Variants in CANX observed in about 807,000 individuals in gnomAD.
CANX encodes calnexin.
A neutral mutation model predicts 75.7 loss-of-function variants in CANX; 14 were observed. That is an observed-to-expected ratio of 0.19 (90% confidence interval 0.12 to 0.29). The LOEUF (loss-of-function observed/expected upper bound fraction) is 0.29. CANX is among the 10% of genes least tolerant of loss of function. The probability of loss-of-function intolerance (pLI) is 1.00; values close to 1 mark genes in which losing one functional copy is unlikely to be tolerated. For missense variants in CANX, 567 were observed against 713.2 expected, an observed-to-expected ratio of 0.79 and a Z score of 2.34; for synonymous variants, 227 against 236.9, an observed-to-expected ratio of 0.96 and a Z score of 0.38.
rs746402797 is a variant in CANX, at chr5:179,709,038, T to G, written c.507T>G (p.Ser169=). The G allele has an allele frequency of 4.4e-6, 7 of 1,597,434 alleles. No individual in the cohort carries two copies. Among genetic ancestry groups the G allele is most frequent in the Non-Finnish European group, 6.0e-6 (7 of 1,164,702 alleles). ...ECGGAYVKLL[S]KTPELNLDQF... ...GTGGTGCCTATGTGAAACTGCTTTC[T>G]AAAACACCAGAACTCAACCTGGTAT... Residue 169 remains serine, a synonymous_variant, in exon 6 of 15, where the codon TCT becomes TCG. Transcript: ENST00000247461.
chr5:179,706,019 A>G (rs1777113047), intron 2 of CANX, among the ~76,000 whole-genome samples, 167 bp downstream of exon 2: 1 of 152,188 alleles, frequency 6.6e-6, no homozygotes, highest in Non-Finnish European at 1.5e-5. Context: ...AAAATATAAA[A>G]GAAAAACATG....
intron 1 of CANX, among the ~76,000 whole-genome samples, chr5:179,703,823 A>G (rs144864258): frequency 6.6e-6 from 1 of 152,214 alleles, no homozygotes; most frequent in East Asian, 1.9e-4. Flanking sequence ...TGGACTCATG[A>G]TAGTTTTTGG....
chr5:179,723,566 A>T, intron 11 of CANX, 94 bp from the exon 12 acceptor site: 1 of 1,280,230 alleles, frequency 7.8e-7, no homozygotes, highest in Non-Finnish European at 1.1e-6. Flanking sequence ...GGTCCTGCGT[A>T]GTGCCATGCC....
At chr5:179,713,365 C>T (rs139012964) in intron 7 of CANX, among the ~76,000 whole-genome samples, 2,032 of 152,274 alleles carry the variant, frequency 0.013, 37 homozygotes, top group African/African-American at 0.043. Context: ...AGCCACTGAG[C>T]CCAGCTTAAC....
At chr5:179,689,687 G>A (rs1005303241) in intron 1 of CANX, among the ~76,000 whole-genome samples, 7 of 152,078 alleles carry the variant, frequency 4.6e-5, no homozygotes, top group Admixed American at 3.9e-4. Context: ...ACCACACCCG[G>A]CCTCTTTTTT....
intron 1 of CANX, among the ~76,000 whole-genome samples, chr5:179,687,790 T>C (rs1472340539): frequency 1.3e-5 from 2 of 151,940 alleles, no homozygotes; most frequent in African/African-American, 2.4e-5. Flanking sequence ...TCTCAGCAAT[T>C]TGGGAGACTG....
At chr5:179,709,156 C>G in intron 6 of CANX, 97 bp downstream of exon 6, 1 of 736,722 alleles carries the variant, frequency 1.4e-6, no homozygotes. Context: ...CGCCTGTAAT[C>G]CTAGCTCCCA....
At chr5:179,705,944 C>G in intron 2 of CANX, 92 bp downstream of exon 2, 1 of 999,520 alleles carries the variant, frequency 1.0e-6, no homozygotes, top group Non-Finnish European at 1.5e-6. Flanking sequence ...GTCTCAACTA[C>G]TCAGGAGGCC....
chr5:179,694,442 G>A, upstream of CANX: 1 of 680,044 alleles, frequency 1.5e-6, no homozygotes, highest in Non-Finnish European at 2.7e-6. Context: ...GCAAGAAGAA[G>A]AAGGATCCTA....
Position 179,719,691 on chromosome 5 carries a change from T to C in CANX, c.935T>C (p.Ile312Thr), listed in dbSNP as rs1778183134. 2 of 1,611,664 alleles carry C rather than the reference T, an allele frequency of 1.2e-6. No homozygotes were observed. The highest frequency in any genetic ancestry group is 8.5e-7 in the Non-Finnish European group (1 of 1,178,326). Residue 312 changes from isoleucine (I) to threonine (T), a missense_variant, in exon 9 of 15, where the codon ATT (isoleucine) becomes ACT (threonine). By Grantham distance (89) the Ile-to-Thr change is moderately conservative. Transcript: ENST00000247461. ...AGGGATGAAGATGCCCCTGCTAAGA[T>C]TCCAGATGAAGAGGCCACAAAACCC... Reference protein sequence around the residue: ...DDWDEDAPAKIPDEEATKPEG... With the variant: ...DDWDEDAPAKTPDEEATKPEG...
intron 1 of CANX, among the ~76,000 whole-genome samples, chr5:179,681,614 G>C (rs1776066971): frequency 1.3e-5 from 2 of 152,150 alleles, no homozygotes; most frequent in South Asian, 4.1e-4. Flanking sequence ...CTACATGTCA[G>C]TTATTGGCCA....
chr5:179,694,900 G>A, upstream of CANX: 1 of 312,154 alleles, frequency 3.2e-6, no homozygotes. Context: ...TTTGAGGGAA[G>A]GATGGAGAGA....
At chr5:179,696,821 T>C (rs148873147), upstream of CANX, among the ~76,000 whole-genome samples, 2 of 152,324 alleles carry the variant, frequency 1.3e-5, no homozygotes, top group East Asian at 3.9e-4. Flanking sequence ...GCACTTCCTT[T>C]TATTGGTTTT....
At position 179,709,856 on chromosome 5, in the gene CANX, C is replaced by T; in HGVS notation, c.529-17C>T. On this transcript the variant is annotated splice_polypyrimidine_tract_variant and intron_variant, in intron 6 of 14. Coordinates refer to ENST00000247461, the MANE Select transcript of CANX (RefSeq NM_001746.4). The stretch of plus-strand genomic sequence containing the variant: ...TTGAGTACAGTGACTTCAAATAATC[C>T]TTTTTTGTTTTTGAAGGATCAGTTC... 2.6e-6 allele frequency: 4 copies of T among 1,527,496 alleles called. No individual in the cohort carries two copies. In the South Asian group the frequency reaches 3.7e-5, roughly 14 times the overall value. The allele number at this position is 1,527,496 out of a possible 1,614,324, so 94.6% of individuals were successfully genotyped here.
Position 179,710,707 on chromosome 5 carries a change from C to CAAAAAA in CANX, c.721+653_721+658dup, listed in dbSNP as rs71591440. Among the ~76,000 whole-genome samples the CAAAAAA allele has an allele frequency of 8.4e-4, 23 of 27,376 alleles. 4 individuals are homozygous for CAAAAAA. Among genetic ancestry groups the CAAAAAA allele is most frequent in the Middle Eastern group, 0.025 (1 of 40 alleles). 18.0% of individuals were successfully genotyped at this position (27,376 alleles called of 152,430 possible). On this transcript the variant is annotated intron_variant, in intron 7 of 14. Coordinates refer to ENST00000247461, the MANE Select transcript of CANX (RefSeq NM_001746.4). ...TAGGAGACAGAGCAAGACTCCATCT[C>CAAAAAA]AAAAAAAAAAAAAAAAGATTGTATA...
Position 179,728,679 on chromosome 5 carries a change from C to A in CANX, c.*35C>A. 1 of 1,487,806 alleles carries A rather than the reference C, an allele frequency of 6.7e-7. No homozygotes were observed. Among genetic ancestry groups the A allele is most frequent in the South Asian group, 1.1e-5 (1 of 88,122 alleles). 92.2% of individuals were successfully genotyped at this position (1,487,806 alleles called of 1,614,324 possible). On this transcript the variant is annotated 3_prime_UTR_variant, in exon 15 of 15. Coordinates refer to ENST00000247461, the MANE Select transcript of CANX (RefSeq NM_001746.4). ...AAGAGCTTGATCTGTGATTTCTTCT[C>A]CCTCCTCCCCTGCAAGAGTGGTCCT... is the stretch of plus-strand genomic sequence containing the variant.
chr5:179,720,453 A>G lies in CANX; in HGVS notation c.1075A>G (p.Arg359Gly). 1 of 1,613,972 alleles carries G rather than the reference A, an allele frequency of 6.2e-7. No individual in the cohort carries two copies. The stretch of plus-strand genomic sequence containing the variant: ...GGAGGCTCCTCAGATTGCCAACCCT[A>G]GATGTGAGTCAGCTCCTGGATGTGG... ...EWEAPQIANPRCESAPGCGVW... is the reference protein window; with the variant it reads ...EWEAPQIANPGCESAPGCGVW... The change falls in exon 10 of 15, where the codon AGA becomes GGA. Residue 359 changes from arginine (R) to glycine (G), a missense_variant. Physicochemically the swap from Arg to Gly is moderately radical, Grantham distance 125. This residue lies in a region of CANX where 351 missense variants were observed against 433.8 expected (regional missense o/e 0.81). Coordinates refer to ENST00000247461, the MANE Select transcript of CANX (RefSeq NM_001746.4).
chr5:179,720,317 C>A, intron 9 of CANX, 87 bp from the exon 10 acceptor site: 2 of 913,538 alleles, frequency 2.2e-6, no homozygotes, highest in Admixed American at 2.2e-5. Context: ...AACATTTCAG[C>A]AGGATCTTGG....
intron 1 of CANX, among the ~76,000 whole-genome samples, chr5:179,693,186 T>C (rs187208728): frequency 1.5e-5 from 2 of 132,412 alleles, no homozygotes; most frequent in African/African-American, 5.6e-5. Flanking sequence ...AGTGGAAAAA[T>C]GGACAAACGA....
Sources: allele counts gnomAD v4.1 joint callset (sites outside exome capture counted in the v4.1 genomes callset), GRCh38; gene constraint gnomAD v4.1.1; regional missense constraint gnomAD v4.1.1; transcripts MANE v1.5; gene names NCBI Gene and HGNC (gene_info 2026-07-23, HGNC 2026-07-21).